Variants in WNK3 observed in about 807,000 individuals in gnomAD.
WNK3 encodes WNK lysine deficient protein kinase 3.
Under a neutral mutation model 116.7 loss-of-function variants are expected in WNK3, and 18 were observed. The ratio of observed to expected loss-of-function variants is 0.15; its 90% CI spans 0.11 to 0.23. The LOEUF (loss-of-function observed/expected upper bound fraction) is 0.23. Among genes scored for constraint, WNK3 ranks in the 10% least tolerant of loss-of-function variants. The pLI is 1.00. For synonymous variants in WNK3, 404 were observed against 469.4 expected, an observed-to-expected ratio of 0.86 and a Z score of 1.80; for missense variants, 993 against 1,323.8, an observed-to-expected ratio of 0.75 and a Z score of 3.88.
At chrX:54,278,095 GAAA>G (rs556765360) in intron 10 of WNK3, among the ~76,000 whole-genome samples, 2 of 55,598 alleles carry the variant, frequency 3.6e-5, no homozygotes, top group Non-Finnish European at 3.5e-5. Context: ...CCCTGCCTCA[GAAA>G]AAAAAAAAAA....
intron 23 of WNK3, among the ~76,000 whole-genome samples, chrX:54,200,929 C>A (rs1276003360): frequency 3.6e-5 from 4 of 111,872 alleles, no homozygotes; most frequent in African/African-American, 1.3e-4. Context: ...TGCTCACTAG[C>A]TTGGGAAATC....
At chrX:54,269,088 T>C (rs2068349889) in intron 10 of WNK3, among the ~76,000 whole-genome samples, 1 of 111,065 alleles carries the variant, frequency 9.0e-6, no homozygotes, top group Non-Finnish European at 1.9e-5. Context: ...TCACACAGTA[T>C]TCCTGCCAAG....
chrX:54,342,395 G>A (rs1165886427), intron 1 of WNK3, among the ~76,000 whole-genome samples: 1 of 110,724 alleles, frequency 9.0e-6, no homozygotes, highest in Non-Finnish European at 1.9e-5. Context: ...GTGAAACCCT[G>A]TCTTTACTAA....
At chrX:54,198,812 ACT>A (rs2067474345) in intron 23 of WNK3, among the ~76,000 whole-genome samples, 159 bp from the exon 24 acceptor site, 1 of 110,178 alleles carries the variant, frequency 9.1e-6, no homozygotes, top group Non-Finnish European at 1.9e-5. Context: ...ACTATTAGGG[ACT>A]ACCATTTTTG....
chrX:54,310,801 C>G (rs994964718), intron 3 of WNK3, among the ~76,000 whole-genome samples: 26 of 110,147 alleles, frequency 2.4e-4, no homozygotes, highest in Non-Finnish European at 4.2e-4. Flanking sequence ...ACAATCATGG[C>G]TCACTGCAAC....
intron 22 of WNK3, among the ~76,000 whole-genome samples, chrX:54,213,287 G>A (rs1174769375): frequency 3.2e-4 from 35 of 109,215 alleles, no homozygotes. Flanking sequence ...ATGAGCGGTG[G>A]CTCACACCTG....
chrX:54,285,723 T>C (rs529163342), intron 10 of WNK3, among the ~76,000 whole-genome samples: 2 of 112,451 alleles, frequency 1.8e-5, no homozygotes, highest in African/African-American at 6.4e-5. Context: ...AGAAAAAGAC[T>C]GTCAACACCT....
At chrX:54,335,549 G>A (rs1483818337) in intron 1 of WNK3, among the ~76,000 whole-genome samples, 2 of 111,124 alleles carry the variant, frequency 1.8e-5, no homozygotes, top group African/African-American at 6.5e-5. Context: ...ACTATGTTAC[G>A]CACCTCAAAG....
chrX:54,225,647 A>G (rs2067827229), intron 22 of WNK3, among the ~76,000 whole-genome samples: 1 of 109,747 alleles, frequency 9.1e-6, no homozygotes, highest in Non-Finnish European at 1.9e-5. Context: ...AGAAAGAAAG[A>G]AATTTAAAGA....
Position 54,238,510 on chromosome X carries a change from ATTGT to A in WNK3, c.3884-42_3884-39del, listed in dbSNP as rs782371708. 17 of 1,178,017 alleles carry A rather than the reference ATTGT, an allele frequency of 1.4e-5. 1 individual carries two copies. The highest frequency in any genetic ancestry group is 5.4e-5 in the African/African-American group (3 of 56,030). ...CCAAATTGTAAGTAAAAAAGAGAAA[ATTGT>A]TTGTTAAGACTAAATTTGTTTACAT... On this transcript the variant is annotated intron_variant, in intron 18 of 23. Coordinates refer to ENST00000354646, the Ensembl canonical transcript of WNK3.
At chrX:54,325,970 C>A (rs781813459) in intron 2 of WNK3, among the ~76,000 whole-genome samples, 5 of 111,053 alleles carry the variant, frequency 4.5e-5, no homozygotes, top group Non-Finnish European at 7.5e-5. Flanking sequence ...ATAGCACTTA[C>A]GACTTATAGC....
At chrX:54,347,611 C>T (rs1308138726) in intron 1 of WNK3, among the ~76,000 whole-genome samples, 17 of 107,873 alleles carry the variant, frequency 1.6e-4, no homozygotes, top group African/African-American at 5.7e-4. Flanking sequence ...GATTGTGCCA[C>T]TACACTCCAG....
chrX:54,294,900 C>CTT (rs782763277), intron 7 of WNK3, 53 bp from the exon 8 acceptor site: 1,246 of 884,547 alleles, frequency 1.4e-3, no homozygotes, highest in Non-Finnish European at 1.6e-3. Context: ...AAGATTTTAA[C>CTT]TTTTTTTTTT....
At chrX:54,194,657 G>T (rs1557139687) in exon 24 of WNK3, 2 of 111,078 alleles carry the variant, frequency 1.8e-5, no homozygotes, top group Non-Finnish European at 3.8e-5. Flanking sequence ...TGAGAGTGAT[G>T]ATCCCTCTCA....
chrX:54,214,742 G>A (rs2067662293), intron 22 of WNK3, among the ~76,000 whole-genome samples: 1 of 110,910 alleles, frequency 9.0e-6, no homozygotes, highest in Non-Finnish European at 1.9e-5. Context: ...GCTGGGCGCG[G>A]TGGCTCACGC....
intron 1 of WNK3, among the ~76,000 whole-genome samples, chrX:54,338,218 C>T (rs1294044720): frequency 9.1e-6 from 1 of 110,280 alleles, no homozygotes; most frequent in Non-Finnish European, 1.9e-5. Context: ...GTCAGAAGTT[C>T]TAGACCAGCC....
intron 17 of WNK3, among the ~76,000 whole-genome samples, chrX:54,248,247 T>C (rs2068092717): frequency 9.1e-6 from 1 of 109,460 alleles, no homozygotes; most frequent in Non-Finnish European, 1.9e-5. Context: ...AAAAAAAAAG[T>C]CATGGTATTA....
chrX:54,350,236 C>G (rs920752373), intron 1 of WNK3, among the ~76,000 whole-genome samples: 2 of 110,590 alleles, frequency 1.8e-5, no homozygotes, highest in African/African-American at 6.5e-5. Flanking sequence ...GGTGAAACCC[C>G]GTCTCTACTA....
intron 10 of WNK3, among the ~76,000 whole-genome samples, chrX:54,292,089 A>G (rs1557165159): frequency 8.9e-6 from 1 of 112,065 alleles, no homozygotes; most frequent in East Asian, 2.8e-4. Context: ...AATAATGCTG[A>G]CTTTAAGAGT....
Sources: gnomAD v4.1 joint callset for allele counts (sites outside exome capture counted in the v4.1 genomes callset) on GRCh38, gnomAD v4.1.1 for gene constraint, MANE v1.5 for transcripts, NCBI Gene and HGNC (gene_info 2026-07-23, HGNC 2026-07-21) for gene names.